ALOXE3: variants seen among roughly 807,000 people sequenced by gnomAD.
The protein encoded by ALOXE3 is hydroperoxide isomerase ALOXE3.
A neutral mutation model predicts 87.5 loss-of-function variants in ALOXE3; 78 were observed. The observed-to-expected ratio is 0.89, with a 90% CI of 0.74 to 1.08. ALOXE3 has a LOEUF of 1.08. Among genes scored for constraint, ALOXE3 ranks in the 50% least tolerant of loss-of-function variants. The probability of loss-of-function intolerance (pLI) is 0.00; values close to 1 mark genes in which losing one functional copy is unlikely to be tolerated. For synonymous variants in ALOXE3, 363 were observed against 370.8 expected (o/e 0.98, Z 0.24); for missense variants, 946 against 912.4 (o/e 1.04, Z -0.47).
At chr17:8,112,458 C>T (rs1244523387) in intron 6 of ALOXE3, among the ~76,000 whole-genome samples, 1 of 152,182 alleles carries the variant, frequency 6.6e-6, no homozygotes, top group East Asian at 1.9e-4. Context: ...GCAGACAAGC[C>T]ACCCTCACTG....
At position 8,104,235 on chromosome 17, in the gene ALOXE3, G is replaced by A. The variant is rs765875829; in HGVS notation, c.1685-20C>T. On this transcript the variant is annotated intron_variant, in intron 13 of 15. Transcript: ENST00000448843. ...GGAAACCTGGGTGTGGGGAGGAAGGGTAGAGGGTGTGGATGGAAGGTACTG... is the reference window on the plus strand; with the variant it reads ...GGAAACCTGGGTGTGGGGAGGAAGGATAGAGGGTGTGGATGGAAGGTACTG... 2.5e-6 allele frequency: 4 copies of A among 1,593,120 alleles called. No individual in the cohort carries two copies. The highest frequency in any genetic ancestry group is 2.2e-5 in the South Asian group (2 of 90,630).
At chr17:8,099,363 C>T (rs1158465376) in intron 15 of ALOXE3, among the ~76,000 whole-genome samples, 2 of 49,968 alleles carry the variant, frequency 4.0e-5, no homozygotes, top group Admixed American at 2.3e-4. Context: ...AGACCCACTG[C>T]CCTTCTTAGT....
In ALOXE3 at chr17:8,118,511, G is replaced by A. The variant is rs968994995; in HGVS notation, c.-339C>T. On this transcript the variant is annotated 5_prime_UTR_variant, in exon 1 of 16. The change creates a new upstream start codon in the 5' untranslated region. Coordinates refer to ENST00000448843, the MANE Select transcript of ALOXE3 (RefSeq NM_021628.3). ...CTGCATTCCTACGTGTGAATCATCC[G>A]TGTGAATCACTAAACAGTGGAGAGT... The A allele has an allele frequency of 3.2e-6, 5 of 1,538,644 alleles. No homozygotes were observed. In the African/African-American group the frequency reaches 6.9e-5, roughly 21 times the overall value.
At chr17:8,105,356 G>A (rs957133324) in intron 13 of ALOXE3, among the ~76,000 whole-genome samples, 4 of 151,676 alleles carry the variant, frequency 2.6e-5, no homozygotes, top group Non-Finnish European at 5.9e-5. Context: ...CCTTCCTTCA[G>A]CTACTAATGC....
chr17:8,117,943 G>T lies in ALOXE3; in HGVS notation c.48C>A (p.Ala16=), dbSNP rs1244707427. Residue 16 remains alanine (A), a synonymous_variant, in exon 2 of 16, where the codon GCC becomes GCA. Transcript: ENST00000448843. ...LCVTTGPYLR[A]GTLDNISVTL... ...TGACAGAGATGTTGTCCAGTGTGCC[G>T]GCCCTCAGGTAGGGACCAGTGGTCA... 6.2e-7 allele frequency: 1 copy of T among 1,611,988 alleles called. No homozygotes were observed. The highest frequency in any genetic ancestry group is 1.3e-5 in the African/African-American group (1 of 74,964).
Position 8,110,266 on chromosome 17 carries a change from G to T in ALOXE3, c.1131C>A (p.Pro377=), listed in dbSNP as rs751122218. The T allele has an allele frequency of 1.2e-6, 2 of 1,614,064 alleles. No individual in the cohort carries two copies. The highest frequency in any genetic ancestry group is 2.2e-5 in the South Asian group (2 of 91,086). ...QLSQTPGPDS[P]IFLPTDSEWD... ...ATTCGGAGTCAGTGGGCAGGAAGAT[G>T]GGGCTGTCAGGCCCGGGGGTCTGGC... is the stretch of plus-strand genomic sequence containing the variant. Residue 377 remains proline (P), a synonymous_variant, in exon 10 of 16, where the codon CCC becomes CCA. Transcript: ENST00000448843.
At position 8,096,388 on chromosome 17, in the gene ALOXE3, A is replaced by G. The variant is rs1284379796; in HGVS notation, c.*239T>C. On this transcript the variant is annotated 3_prime_UTR_variant, in exon 16 of 16. Coordinates refer to ENST00000448843, the MANE Select transcript of ALOXE3 (RefSeq NM_021628.3). ...GCGGTTCCTTCCTTTCGGAGGGGCTATTGTGCATTGGACTTTGGTCAGCGG... is the reference window on the plus strand; with the variant it reads ...GCGGTTCCTTCCTTTCGGAGGGGCTGTTGTGCATTGGACTTTGGTCAGCGG... The G allele has an allele frequency of 1.9e-6, 1 of 533,536 alleles. No individual in the cohort carries two copies. Among genetic ancestry groups the G allele is most frequent in the Non-Finnish European group, 3.4e-6 (1 of 297,414 alleles). The allele number at this position is 533,536 out of a possible 1,614,324, so 33.1% of individuals were successfully genotyped here.
intron 15 of ALOXE3, 35 bp downstream of exon 15, chr17:8,103,288 A>C: frequency 6.2e-7 from 1 of 1,612,238 alleles, no homozygotes; most frequent in Non-Finnish European, 8.5e-7. Flanking sequence ...GTGGCCCTAA[A>C]GAACCCTACT....
At chr17:8,102,838 A>G (rs960876390) in intron 15 of ALOXE3, among the ~76,000 whole-genome samples, 8 of 152,202 alleles carry the variant, frequency 5.3e-5, no homozygotes. Context: ...ATAGCTGCCC[A>G]TAACAGTGTC....
At position 8,096,395 on chromosome 17, in the gene ALOXE3, A is replaced by T; in HGVS notation, c.*232T>A. On this transcript the variant is annotated 3_prime_UTR_variant, in exon 16 of 16. Transcript: ENST00000448843. ...CTTCCTTTCGGAGGGGCTATTGTGCATTGGACTTTGGTCAGCGGCTTTTAA... is the reference window on the plus strand; with the variant it reads ...CTTCCTTTCGGAGGGGCTATTGTGCTTTGGACTTTGGTCAGCGGCTTTTAA... 1 of 560,928 alleles carries T rather than the reference A, an allele frequency of 1.8e-6. No individual in the cohort carries two copies. The highest frequency in any genetic ancestry group is 3.1e-5 in the East Asian group (1 of 32,708). 34.7% of individuals were successfully genotyped at this position (560,928 alleles called of 1,614,324 possible).
chr17:8,110,990 C>T (rs3027208), intron 8 of ALOXE3, among the ~76,000 whole-genome samples: 44,655 of 152,104 alleles, frequency 0.29, 8,443 homozygotes, highest in African/African-American at 0.52. Flanking sequence ...TCTCCGTGAT[C>T]TTCCCTGATG....
chr17:8,106,518 A>C (rs1309380917), intron 13 of ALOXE3, among the ~76,000 whole-genome samples: 1 of 152,160 alleles, frequency 6.6e-6, no homozygotes, highest in Non-Finnish European at 1.5e-5. Context: ...TGTCTCAAAA[A>C]AACAAAACAT....
rs147786396 is a variant in ALOXE3 at position 8,104,200 on chromosome 17, A to G, written c.1700T>C (p.Leu567Pro). The change falls in exon 14 of 16, where the codon CTG becomes CCG. Residue 567 changes from leucine (L) to proline (P), a missense_variant. By Grantham distance (98) the Leu-to-Pro change is moderately conservative. Coordinates refer to ENST00000448843, the MANE Select transcript of ALOXE3 (RefSeq NM_021628.3). ...GRESSGFPSRLCTPGEMVKFL... is the reference protein window; with the variant it reads ...GRESSGFPSRPCTPGEMVKFL... ...CTTCACCATCTCTCCTGGGGTGCAC[A>G]GCCGGCTTGGGAAACCTGGGTGTGG... 24 of 1,613,796 alleles carry G rather than the reference A, an allele frequency of 1.5e-5. No homozygotes were observed. The highest frequency in any genetic ancestry group is 1.9e-5 in the Non-Finnish European group (22 of 1,179,960).
Position 8,118,140 on chromosome 17 carries a change from C to T in ALOXE3, c.-150G>A. On this transcript the variant is annotated 5_prime_UTR_variant, in exon 2 of 16. Coordinates refer to ENST00000448843, the MANE Select transcript of ALOXE3 (RefSeq NM_021628.3). Reference sequence around the variant, plus strand: ...TAGGGCTGAGGATGGGCCCAGCTCTCTCTGGGATGTTCCTGGGCTTTCTCT... The same window carrying T: ...TAGGGCTGAGGATGGGCCCAGCTCTTTCTGGGATGTTCCTGGGCTTTCTCT... 6.4e-7 allele frequency: 1 copy of T among 1,551,512 alleles called. No homozygotes were observed. Among genetic ancestry groups the T allele is most frequent in the Non-Finnish European group, 8.7e-7 (1 of 1,147,076 alleles).
chr17:8,116,609 C>T (rs923987506), intron 3 of ALOXE3, among the ~76,000 whole-genome samples, 167 bp downstream of exon 3: 4 of 152,198 alleles, frequency 2.6e-5, no homozygotes, highest in African/African-American at 9.7e-5. Context: ...GCAAAACCCT[C>T]GCATTTCAGG....
rs375389989 is a variant in ALOXE3, at chr17:8,096,743, C to T, written c.2020G>A (p.Ala674Thr). ...ATCTGGGCCAGGCGGCTCTGGAAGGCGGCGATGCTCCGCCTCGGGGCCTCC... is the reference window on the plus strand; with the variant it reads ...ATCTGGGCCAGGCGGCTCTGGAAGGTGGCGATGCTCCGCCTCGGGGCCTCC... ...TEEAPRRSIA[A>T]FQSRLAQISR... Residue 674 changes from alanine to threonine, a missense_variant, in exon 16 of 16, where the codon GCC becomes ACC. By Grantham distance (58) the Ala-to-Thr change is moderately conservative. Coordinates refer to ENST00000448843, the MANE Select transcript of ALOXE3 (RefSeq NM_021628.3). 1.9e-5 allele frequency: 30 copies of T among 1,614,048 alleles called. No homozygotes were observed. The highest frequency in any genetic ancestry group is 2.7e-5 in the African/African-American group (2 of 74,922).
chr17:8,107,601 C>T (rs1187505566), intron 13 of ALOXE3, among the ~76,000 whole-genome samples: 2 of 151,662 alleles, frequency 1.3e-5, no homozygotes, highest in Non-Finnish European at 2.9e-5. Context: ...AGATCGAGAC[C>T]ATCCTGGCTA....
At chr17:8,109,467 A>T in intron 11 of ALOXE3, 124 bp from the exon 12 acceptor site, 1 of 1,329,790 alleles carries the variant, frequency 7.5e-7, no homozygotes, top group Non-Finnish European at 1.0e-6. Flanking sequence ...CAATCCACGG[A>T]TCAAATACCC....
chr17:8,115,063 G>C lies in ALOXE3; in HGVS notation c.435-6C>G, dbSNP rs376718632. On this transcript the variant is annotated splice_polypyrimidine_tract_variant and splice_region_variant and intron_variant, in intron 4 of 15. Transcript: ENST00000448843. ...CAGGGGCATAGATCTTCCAGCTTCC[G>C]AGGGAAAGAGGTCAGAGGTGGCAGG... 6.2e-7 allele frequency: 1 copy of C among 1,614,134 alleles called. No homozygotes were observed. Among genetic ancestry groups the C allele is most frequent in the African/African-American group, 1.3e-5 (1 of 75,032 alleles).
Sources: gnomAD v4.1 joint callset for allele counts (sites outside exome capture counted in the v4.1 genomes callset) on GRCh38, gnomAD v4.1.1 for gene constraint, MANE v1.5 for transcripts, NCBI Gene and HGNC (gene_info 2026-07-23, HGNC 2026-07-21) for gene names.